The following LRRC4C variants were observed in gnomAD, a reference collection of about 807,000 sequenced individuals.
The protein encoded by LRRC4C is leucine rich repeat containing 4C.
Under a neutral mutation model 33.6 loss-of-function variants are expected in LRRC4C, and 5 were observed. The observed-to-expected ratio is 0.15, with a 90% CI of 0.08 to 0.31. The LOEUF is 0.31. Ranked by LOEUF, LRRC4C falls within the 10% of genes least tolerant of loss-of-function variation. The pLI, the probability that LRRC4C is intolerant of heterozygous loss-of-function variation, is 1.00. For missense variants in LRRC4C, 560 were observed against 796.7 expected, an observed-to-expected ratio of 0.70 and a Z score of 3.58; for synonymous variants, 329 against 302.0, an observed-to-expected ratio of 1.09 and a Z score of -0.93.
chr11:40,892,897 T>C (rs1284587597), intron 2 of LRRC4C, among the ~76,000 whole-genome samples: 1 of 152,182 alleles, frequency 6.6e-6, no homozygotes, highest in Non-Finnish European at 1.5e-5. Context: ...GTATTTAATG[T>C]CACTAAATTG....
intron 1 of LRRC4C, among the ~76,000 whole-genome samples, chr11:41,300,874 C>A (rs1168464921): frequency 6.6e-6 from 1 of 152,068 alleles, no homozygotes; most frequent in African/African-American, 2.4e-5. Flanking sequence ...ACATCTTTAG[C>A]AAAATTTAAT....
intron 3 of LRRC4C, among the ~76,000 whole-genome samples, chr11:40,416,443 A>G (rs1950327961): frequency 6.6e-6 from 1 of 152,150 alleles, no homozygotes; most frequent in Admixed American, 6.6e-5. Flanking sequence ...GGAGCTAGGA[A>G]TGTTTGTGGA....
At chr11:41,178,243 C>T (rs1265492858) in intron 1 of LRRC4C, among the ~76,000 whole-genome samples, 1 of 152,176 alleles carries the variant, frequency 6.6e-6, no homozygotes, top group Admixed American at 6.5e-5. Flanking sequence ...GCAGGACAAC[C>T]AAAGACTAAA....
chr11:41,438,189 C>G (rs9804614), intron 1 of LRRC4C, among the ~76,000 whole-genome samples: 5,389 of 152,042 alleles, frequency 0.035, 328 homozygotes, highest in African/African-American at 0.12. Context: ...ATGTGGCAGA[C>G]ACTGTACTTG....
At chr11:40,683,295 CAT>C (rs149761713) in intron 2 of LRRC4C, among the ~76,000 whole-genome samples, 1,618 of 152,260 alleles carry the variant, frequency 0.011, 28 homozygotes, top group African/African-American at 0.038. Context: ...CTCATACCCA[CAT>C]GACACTGTGC....
Position 40,615,238 on chromosome 11 carries a change from T to TTATATATATATATATATATATATATA in LRRC4C, c.-270+32878_-270+32903dup, listed in dbSNP as rs756021420. ...CAATCACTCGATGCATTGATTTATTTTATATATATATATATATATATATAT... is the reference window on the plus strand; with the variant it reads ...CAATCACTCGATGCATTGATTTATTTTATATATATATATATATATATATATATATATATATATATATATATATATAT... On this transcript the variant is annotated intron_variant, in intron 3 of 6. Transcript: ENST00000528697. Among the ~76,000 whole-genome samples, 61 of 88,088 alleles carry TTATATATATATATATATATATATATA rather than the reference T, an allele frequency of 6.9e-4. 1 individual carries two copies. Among genetic ancestry groups the TTATATATATATATATATATATATATA allele is most frequent in the South Asian group, 1.6e-3 (4 of 2,506 alleles). 57.8% of individuals were successfully genotyped at this position (88,088 alleles called of 152,430 possible).
At chr11:40,734,805 G>A (rs1239797220) in intron 2 of LRRC4C, among the ~76,000 whole-genome samples, 1 of 152,126 alleles carries the variant, frequency 6.6e-6, no homozygotes, top group Non-Finnish European at 1.5e-5. Context: ...CGGAATTAAG[G>A]AATACCTAAA....
At chr11:40,889,754 G>A (rs988533932) in intron 2 of LRRC4C, among the ~76,000 whole-genome samples, 2 of 151,950 alleles carry the variant, frequency 1.3e-5, no homozygotes, top group Non-Finnish European at 2.9e-5. Flanking sequence ...ACTTGATATC[G>A]TCACATTCTG....
chr11:40,333,607 C>T (rs777276149), intron 3 of LRRC4C, among the ~76,000 whole-genome samples: 3 of 150,594 alleles, frequency 2.0e-5, no homozygotes, highest in South Asian at 4.2e-4. Flanking sequence ...ATCCCAGCTA[C>T]TCAGGGGGCT....
chr11:41,405,948 A>G (rs1954215529), intron 1 of LRRC4C, among the ~76,000 whole-genome samples: 1 of 152,150 alleles, frequency 6.6e-6, no homozygotes, highest in Non-Finnish European at 1.5e-5. Context: ...TGCTCTAAGC[A>G]CTGTTTTAAA....
At chr11:40,296,722 G>GA (rs879931166) in intron 4 of LRRC4C, among the ~76,000 whole-genome samples, 31 of 151,776 alleles carry the variant, frequency 2.0e-4, no homozygotes, top group East Asian at 1.7e-3. Context: ...AATTGTTGCT[G>GA]AAAAAAAACA....
intron 1 of LRRC4C, among the ~76,000 whole-genome samples, chr11:41,389,649 A>AAAAAAAAAAAAAAC (rs1953508451): frequency 6.6e-6 from 1 of 150,880 alleles, no homozygotes; most frequent in Admixed American, 6.6e-5. Context: ...CAAAAAAAAA[A>AAAAAAAAAAAAAAC]AAAATCACAA....
At chr11:40,184,319 T>A (rs570152786) in intron 5 of LRRC4C, among the ~76,000 whole-genome samples, 1 of 152,150 alleles carries the variant, frequency 6.6e-6, no homozygotes, top group Non-Finnish European at 1.5e-5. Context: ...ATATTAAATA[T>A]TGAGATTTCA....
chr11:40,403,058 A>G (rs753190015), intron 3 of LRRC4C, among the ~76,000 whole-genome samples: 1 of 152,100 alleles, frequency 6.6e-6, no homozygotes, highest in Non-Finnish European at 1.5e-5. Context: ...TATGAGTTAT[A>G]ATTTGTATGG....
chr11:41,057,162 C>G (rs1438943653), intron 1 of LRRC4C, among the ~76,000 whole-genome samples: 1 of 152,196 alleles, frequency 6.6e-6, no homozygotes, highest in African/African-American at 2.4e-5. Flanking sequence ...CTTGGAAATG[C>G]CTGCTCCCGC....
At chr11:40,345,324 C>A (rs372270761) in intron 3 of LRRC4C, among the ~76,000 whole-genome samples, 76 of 152,260 alleles carry the variant, frequency 5.0e-4, no homozygotes, top group African/African-American at 1.8e-3. Context: ...GTAACCAAAA[C>A]AGCATGATAC....
intron 3 of LRRC4C, among the ~76,000 whole-genome samples, chr11:40,347,587 T>A (rs1200817714): frequency 1.3e-5 from 2 of 152,198 alleles, no homozygotes; most frequent in Admixed American, 6.6e-5. Flanking sequence ...TGTGCAATAT[T>A]TCCTTTCATT....
intron 2 of LRRC4C, among the ~76,000 whole-genome samples, chr11:40,737,143 G>A (rs367656342): frequency 3.3e-5 from 5 of 151,918 alleles, no homozygotes; most frequent in Non-Finnish European, 4.4e-5. Flanking sequence ...AATAGATGCC[G>A]AAAAGGCCTT....
intron 1 of LRRC4C, among the ~76,000 whole-genome samples, chr11:41,099,785 G>C (rs1188724381): frequency 6.6e-6 from 1 of 152,042 alleles, no homozygotes; most frequent in African/African-American, 2.4e-5. Flanking sequence ...GCACAAGACA[G>C]AATGCCCTCT....
Sources: allele counts gnomAD v4.1 joint callset (sites outside exome capture counted in the v4.1 genomes callset), GRCh38; gene constraint gnomAD v4.1.1; transcripts MANE v1.5; gene names NCBI Gene and HGNC (gene_info 2026-07-23, HGNC 2026-07-21).